TNRC6B: variants seen among roughly 807,000 people sequenced by gnomAD.
TNRC6B encodes the protein trinucleotide repeat-containing gene 6B protein.
A neutral mutation model predicts 203.6 loss-of-function variants in TNRC6B; 52 were observed. The observed-to-expected ratio is 0.26, with a 90% CI of 0.20 to 0.32. TNRC6B has a LOEUF of 0.32. Ranked by LOEUF, TNRC6B falls within the 10% of genes least tolerant of loss-of-function variation. TNRC6B has a pLI of 1.00. For synonymous variants in TNRC6B, 838 were observed against 845.7 expected (o/e 0.99, Z 0.16); for missense variants, 1,923 against 2,286.2 (o/e 0.84, Z 3.24).
intron 1 of TNRC6B, among the ~76,000 whole-genome samples, chr22:40,240,347 C>T (rs1162818725): frequency 4.6e-5 from 7 of 152,058 alleles, no homozygotes; most frequent in Admixed American, 4.6e-4. Flanking sequence ...CACATTCGTC[C>T]CCTGCAGAGG....
intron 15 of TNRC6B, among the ~76,000 whole-genome samples, chr22:40,305,042 T>C (rs913653980): frequency 2.0e-5 from 3 of 152,106 alleles, no homozygotes; most frequent in Admixed American, 6.6e-5. Flanking sequence ...GAAGGCAGGA[T>C]CAGTGTAAGG....
intron 2 of TNRC6B, chr22:40,117,237 A>G (rs948682173): frequency 1.3e-5 from 2 of 152,446 alleles, no homozygotes; most frequent in Admixed American, 6.5e-5. Context: ...TCTTACAGAA[A>G]GATATTTTTA....
At chr22:40,263,521 G>A (rs941242531) in intron 4 of TNRC6B, among the ~76,000 whole-genome samples, 4 of 152,164 alleles carry the variant, frequency 2.6e-5, no homozygotes, top group Admixed American at 2.0e-4. Flanking sequence ...TTATTAAAAC[G>A]GAGGAGGCCC....
chr22:40,235,204 C>G (rs1008342376), intron 1 of TNRC6B, among the ~76,000 whole-genome samples: 1 of 152,134 alleles, frequency 6.6e-6, no homozygotes, highest in Non-Finnish European at 1.5e-5. Flanking sequence ...AGTCACATGT[C>G]TTAGGTGCAT....
chr22:40,332,194 T>A lies in TNRC6B; in HGVS notation c.*8953T>A, dbSNP rs1282085050. 1 of 152,618 alleles carries A rather than the reference T, an allele frequency of 6.6e-6. No homozygotes were observed. The highest frequency in any genetic ancestry group is 1.9e-4 in the East Asian group (1 of 5,192). The allele number at this position is 152,618 out of a possible 1,614,324, so 9.5% of individuals were successfully genotyped here. A position where few individuals can be genotyped will look rare whatever the true frequency, so the allele number is the denominator to read the frequency against. On this transcript the variant is annotated 3_prime_UTR_variant, in exon 23 of 23. Coordinates refer to ENST00000454349, the MANE Select transcript of TNRC6B (RefSeq NM_001162501.2). ...TCTCTCCTTTTTAATATTTCTTTCT[T>A]CCTTTTTAATCATGTTTAAGTGAAC...
chr22:40,211,178 T>C (rs564117069), intron 1 of TNRC6B, among the ~76,000 whole-genome samples: 1 of 152,306 alleles, frequency 6.6e-6, no homozygotes, highest in Non-Finnish European at 1.5e-5. Context: ...AGTGGCATGC[T>C]CCTGGCTCAC....
intron 1 of TNRC6B, among the ~76,000 whole-genome samples, chr22:40,188,489 G>C (rs1022671125): frequency 1.3e-5 from 2 of 152,176 alleles, no homozygotes; most frequent in Non-Finnish European, 2.9e-5. Flanking sequence ...AAACCAGACT[G>C]TATAGTGGTG....
At chr22:40,072,096 A>G (rs1383791221) in intron 1 of TNRC6B, among the ~76,000 whole-genome samples, 1 of 152,206 alleles carries the variant, frequency 6.6e-6, no homozygotes. Flanking sequence ...GACTCAAGCG[A>G]TCATCCAACC....
rs1206032110 is a variant in TNRC6B at position 40,329,843 on chromosome 22, A to G, written c.*6602A>G. 1.3e-5 allele frequency: 2 copies of G among 152,224 alleles called. No individual in the cohort carries two copies. Among genetic ancestry groups the G allele is most frequent in the African/African-American group, 4.8e-5 (2 of 41,462 alleles). The allele number at this position is 152,224 out of a possible 1,614,324, so 9.4% of individuals were successfully genotyped here. A position where few individuals can be genotyped will look rare whatever the true frequency, so the allele number is the denominator to read the frequency against. On this transcript the variant is annotated 3_prime_UTR_variant, in exon 23 of 23. Coordinates refer to ENST00000454349, the MANE Select transcript of TNRC6B (RefSeq NM_001162501.2). ...TAACTGCCAGTGTTTGCCTCACCAA[A>G]TTTAAATCGTTCCCTTTTCAGTTAG...
At chr22:40,067,109 G>C (rs1453632707) in intron 1 of TNRC6B, among the ~76,000 whole-genome samples, 1 of 151,922 alleles carries the variant, frequency 6.6e-6, no homozygotes, top group Non-Finnish European at 1.5e-5. Flanking sequence ...TCGCCATGTT[G>C]CCCAGGCTAG....
intron 1 of TNRC6B, among the ~76,000 whole-genome samples, chr22:40,061,361 T>G (rs1207696401): frequency 6.6e-6 from 1 of 151,860 alleles, no homozygotes; most frequent in Non-Finnish European, 1.5e-5. Context: ...ATTATAGGCA[T>G]GCGCCACCAC....
intron 1 of TNRC6B, among the ~76,000 whole-genome samples, chr22:40,180,332 T>A (rs2069115740): frequency 6.6e-6 from 1 of 152,242 alleles, no homozygotes; most frequent in South Asian, 2.1e-4. Flanking sequence ...GCCATTATCT[T>A]GTTTTTGTGG....
At chr22:40,293,534 C>T (rs988102082) in intron 12 of TNRC6B, among the ~76,000 whole-genome samples, 1 of 150,478 alleles carries the variant, frequency 6.6e-6, no homozygotes, top group Non-Finnish European at 1.5e-5. Context: ...ATGAATTTCT[C>T]GATGGTACTG....
intron 1 of TNRC6B, among the ~76,000 whole-genome samples, chr22:40,194,642 T>C (rs1026480386): frequency 1.3e-5 from 2 of 152,208 alleles, no homozygotes; most frequent in Non-Finnish European, 2.9e-5. Context: ...CATGCTTGAA[T>C]GTCCTTTAAT....
chr22:40,081,491 A>G (rs1419832974), intron 1 of TNRC6B, among the ~76,000 whole-genome samples: 2 of 152,142 alleles, frequency 1.3e-5, no homozygotes, highest in South Asian at 4.2e-4. Context: ...AACGTTTTTC[A>G]TAATGCTCTA....
At chr22:40,188,214 AAAAT>A (rs1348275316) in intron 1 of TNRC6B, among the ~76,000 whole-genome samples, 4 of 152,322 alleles carry the variant, frequency 2.6e-5, no homozygotes, top group East Asian at 1.9e-4. Context: ...GTCTCAAAAA[AAAAT>A]AAAACAAAAT....
chr22:40,125,645 A>T (rs1052860691), intron 2 of TNRC6B: 1 of 608,168 alleles, frequency 1.6e-6, no homozygotes, highest in African/African-American at 1.9e-5. Context: ...ACACACACAC[A>T]CAAAGTTACT....
intron 7 of TNRC6B, 132 bp from the exon 8 acceptor site, chr22:40,276,945 A>T (rs2070652885): frequency 3.8e-6 from 2 of 529,074 alleles, no homozygotes; most frequent in Non-Finnish European, 6.3e-6. Flanking sequence ...TAAAATATCA[A>T]CATAATTTTA....
At chr22:40,203,116 G>A (rs1183496255) in intron 1 of TNRC6B, among the ~76,000 whole-genome samples, 1 of 152,118 alleles carries the variant, frequency 6.6e-6, no homozygotes, top group Non-Finnish European at 1.5e-5. Flanking sequence ...GTTGAGTATA[G>A]TAGAGAGAAG....
Sources: allele counts gnomAD v4.1 joint callset (sites outside exome capture counted in the v4.1 genomes callset), GRCh38; gene constraint gnomAD v4.1.1; transcripts MANE v1.5; gene names NCBI Gene and HGNC (gene_info 2026-07-23, HGNC 2026-07-21).